Variants in LEF1 observed in about 807,000 individuals in gnomAD.
LEF1 encodes lymphoid enhancer-binding factor 1.
In LEF1, 14 loss-of-function variants were observed where a neutral mutation model predicts 51.2. The ratio of observed to expected loss-of-function variants is 0.27; its 90% CI spans 0.18 to 0.43. The LOEUF (loss-of-function observed/expected upper bound fraction) is 0.43, where lower values mean the gene tolerates loss of function less well. Among genes scored for constraint, LEF1 ranks in the 20% least tolerant of loss-of-function variants. The pLI is 1.00. For missense variants in LEF1, 386 were observed against 512.0 expected, an observed-to-expected ratio of 0.75 and a Z score of 2.37; for synonymous variants, 185 against 183.2, an observed-to-expected ratio of 1.01 and a Z score of -0.08.
intron 9 of LEF1, chr4:108,070,298 TA>T (rs1008697705): frequency 5.1e-5 from 8 of 157,564 alleles, no homozygotes; most frequent in Middle Eastern, 2.9e-3. Flanking sequence ...AATATACAAG[TA>T]AAAAAAAACC....
chr4:108,081,350 C>G (rs1739289724), intron 6 of LEF1, among the ~76,000 whole-genome samples: 2 of 152,116 alleles, frequency 1.3e-5, no homozygotes, highest in African/African-American at 4.8e-5. Context: ...CAACGCTTTC[C>G]AAGGAGGCTG....
chr4:108,136,025 T>C (rs1402825914), intron 3 of LEF1, among the ~76,000 whole-genome samples: 1 of 152,184 alleles, frequency 6.6e-6, no homozygotes, highest in Non-Finnish European at 1.5e-5. Context: ...TGGTCTCAGC[T>C]GCTCAGGGGA....
intron 3 of LEF1, among the ~76,000 whole-genome samples, chr4:108,115,287 G>A (rs967591513): frequency 3.9e-5 from 6 of 152,176 alleles, no homozygotes; most frequent in Non-Finnish European, 7.3e-5. Context: ...AGAAACAGTG[G>A]TGAGACTTGA....
intron 11 of LEF1, among the ~76,000 whole-genome samples, chr4:108,061,493 T>G (rs1049434407): frequency 1.3e-5 from 2 of 152,184 alleles, no homozygotes; most frequent in African/African-American, 4.8e-5. Flanking sequence ...AATAGTTAGC[T>G]TTACAGATTT....
intron 3 of LEF1, among the ~76,000 whole-genome samples, chr4:108,132,687 A>C (rs1372726276): frequency 2.1e-4 from 1 of 4,770 alleles, no homozygotes; most frequent in Admixed American, 3.5e-3. Flanking sequence ...TTTTTTTTTG[A>C]GGCAGGGTCT....
intron 3 of LEF1, among the ~76,000 whole-genome samples, chr4:108,134,388 T>G (rs1197468269): frequency 2.0e-5 from 3 of 152,334 alleles, no homozygotes; most frequent in Admixed American, 2.0e-4. Flanking sequence ...CAAATTAACC[T>G]AGTGTAATCA....
chr4:108,160,044 C>G (rs1397184114), intron 3 of LEF1, among the ~76,000 whole-genome samples: 1 of 152,094 alleles, frequency 6.6e-6, no homozygotes, highest in African/African-American at 2.4e-5. Flanking sequence ...GTTGCTTTTC[C>G]CTCCCCAAGC....
chr4:108,131,894 C>T (rs1172250889), intron 3 of LEF1, among the ~76,000 whole-genome samples: 2 of 152,148 alleles, frequency 1.3e-5, no homozygotes, highest in Admixed American at 6.5e-5. Context: ...TATAAAACCA[C>T]ATATGAAATC....
rs1174232233 is a variant in LEF1, at chr4:108,096,614, C to T, written c.415-7357G>A. Among the ~76,000 whole-genome samples, 3 of 152,202 alleles carry T rather than the reference C, an allele frequency of 2.0e-5. No homozygotes were observed. In the East Asian group the frequency reaches 5.8e-4, roughly 29 times the overall value. ...GGGATCACGTTAAGTTAAAAAGCTT[C>T]TGGAGAGCAAAGGAAATAGTCAACG... On this transcript the variant is annotated intron_variant, in intron 3 of 11. Coordinates refer to ENST00000265165, the MANE Select transcript of LEF1 (RefSeq NM_016269.5).
chr4:108,067,848 C>G (rs1738182808), intron 9 of LEF1, among the ~76,000 whole-genome samples: 1 of 152,000 alleles, frequency 6.6e-6, no homozygotes, highest in Non-Finnish European at 1.5e-5. Context: ...CTTTTGAAAC[C>G]CTCTGGGTGA....
chr4:108,070,618 G>C (rs546585749), intron 9 of LEF1, 45 bp downstream of exon 9: 1 of 1,258,794 alleles, frequency 7.9e-7, no homozygotes, highest in Non-Finnish European at 1.2e-6. Flanking sequence ...GCAAAAGAGC[G>C]AATGAGTGAG....
At chr4:108,083,292 A>C (rs1739432717) in intron 5 of LEF1, 64 bp downstream of exon 5, 8 of 1,112,524 alleles carry the variant, frequency 7.2e-6, no homozygotes, top group Non-Finnish European at 1.1e-5. Context: ...TCTAATTTCC[A>C]TGAATGGAAA....
chr4:108,062,193 C>T (rs1254231134), intron 11 of LEF1, among the ~76,000 whole-genome samples: 5 of 152,140 alleles, frequency 3.3e-5, no homozygotes, highest in East Asian at 1.9e-4. Flanking sequence ...CTATTTGGTA[C>T]CAAAATCTCT....
intron 3 of LEF1, among the ~76,000 whole-genome samples, chr4:108,105,181 C>CTT (rs5860896): frequency 0.015 from 1,950 of 131,332 alleles, 37 homozygotes; most frequent in Middle Eastern, 0.025. Flanking sequence ...GAAGAATCCA[C>CTT]TTTTTTTTTT....
At chr4:108,126,173 T>TA (rs1742513846) in intron 3 of LEF1, among the ~76,000 whole-genome samples, 1 of 152,156 alleles carries the variant, frequency 6.6e-6, no homozygotes, top group African/African-American at 2.4e-5. Flanking sequence ...TACACATGAA[T>TA]AAGAAGCCAA....
intron 6 of LEF1, among the ~76,000 whole-genome samples, chr4:108,079,977 T>C (rs553403463): frequency 6.6e-6 from 1 of 152,276 alleles, no homozygotes; most frequent in South Asian, 2.1e-4. Context: ...ACCATCACAA[T>C]GGGAATTTTC....
intron 3 of LEF1, chr4:108,104,732 A>T: frequency 1.0e-6 from 1 of 974,870 alleles, no homozygotes; most frequent in Non-Finnish European, 1.2e-6. Flanking sequence ...CTATCTCCCC[A>T]TGATGGCAAA....
chr4:108,107,433 G>A (rs1287771913), intron 3 of LEF1, among the ~76,000 whole-genome samples: 4 of 151,714 alleles, frequency 2.6e-5, no homozygotes, highest in East Asian at 1.9e-4. Context: ...GGTAATTTTC[G>A]TCTCTTATGC....
intron 9 of LEF1, 32 bp from the exon 10 acceptor site, chr4:108,064,416 A>C (rs1406013008): frequency 1.3e-6 from 2 of 1,534,894 alleles, no homozygotes; most frequent in South Asian, 2.3e-5. Context: ...GTCATGTCAC[A>C]GATTGTACCA....
Sources: allele counts gnomAD v4.1 joint callset (sites outside exome capture counted in the v4.1 genomes callset), GRCh38; gene constraint gnomAD v4.1.1; transcripts MANE v1.5; gene names NCBI Gene and HGNC (gene_info 2026-07-23, HGNC 2026-07-21).